The following A1CF variants were observed in gnomAD, a reference collection of about 807,000 sequenced individuals.
The protein encoded by A1CF is APOBEC1 complementation factor.
In A1CF, 48 loss-of-function variants were observed where a neutral mutation model predicts 68.9. The ratio of observed to expected loss-of-function variants is 0.70; its 90% confidence interval spans 0.55 to 0.89. The LOEUF is 0.89. A1CF is among the 40% of genes least tolerant of loss of function. The pLI is 0.00. For synonymous variants in A1CF, 272 were observed against 260.4 expected, an observed-to-expected ratio of 1.04 and a Z score of -0.43; for missense variants, 653 against 718.9, an observed-to-expected ratio of 0.91 and a Z score of 1.05.
At chr10:50,834,995 A>C (rs1038949024) in intron 6 of A1CF, among the ~76,000 whole-genome samples, 1 of 152,174 alleles carries the variant, frequency 6.6e-6, no homozygotes, top group Non-Finnish European at 1.5e-5. Flanking sequence ...CCCCATGAGG[A>C]GTCTTAGTGA....
In A1CF at chr10:50,841,845, GA is replaced by G; in HGVS notation, c.365+16del. The G allele has an allele frequency of 6.2e-7, 1 of 1,611,180 alleles. No homozygotes were observed. Among genetic ancestry groups the G allele is most frequent in the Non-Finnish European group, 8.5e-7 (1 of 1,179,108 alleles). On this transcript the variant is annotated intron_variant, in intron 5 of 12. Coordinates refer to ENST00000373997, the MANE Select transcript of A1CF (RefSeq NM_014576.4). ...CATTGTTTGTTTCACTTTTAATCTAGAAGAGGCGGAGCTTACCTAATTTCAT... is the reference window on the plus strand; with the variant it reads ...CATTGTTTGTTTCACTTTTAATCTAGAGAGGCGGAGCTTACCTAATTTCAT...
rs2132328352 is a variant in A1CF at position 50,813,935 on chromosome 10, A to G, written c.1245T>C (p.Tyr415=). ...TGAGCTCCATCCCAGGTAAAATGTCATAGAGTTTGTCTTCTCTTTTGTCTC... is the reference window on the plus strand; with the variant it reads ...TGAGCTCCATCCCAGGTAAAATGTCGTAGAGTTTGTCTTCTCTTTTGTCTC... ...VKGDKREDKL[Y]DILPGMELTP... The change falls in exon 10 of 13, where the codon TAT becomes TAC. Residue 415 remains tyrosine (Y), a synonymous_variant. Transcript: ENST00000373997. 1 of 1,613,912 alleles carries G rather than the reference A, an allele frequency of 6.2e-7. No individual in the cohort carries two copies. Among genetic ancestry groups the G allele is most frequent in the Non-Finnish European group, 8.5e-7 (1 of 1,179,874 alleles).
At chr10:50,845,998 C>G (rs1340553748) in intron 3 of A1CF, among the ~76,000 whole-genome samples, 4 of 151,454 alleles carry the variant, frequency 2.6e-5, no homozygotes, top group Non-Finnish European at 5.9e-5. Flanking sequence ...ATGTATCATG[C>G]CATTAAATAG....
chr10:50,865,426 G>T (rs1360099306), intron 1 of A1CF, among the ~76,000 whole-genome samples: 1 of 151,902 alleles, frequency 6.6e-6, no homozygotes, highest in African/African-American at 2.4e-5. Context: ...TACTTAAAAT[G>T]GTTTCTGGAA....
intron 3 of A1CF, among the ~76,000 whole-genome samples, chr10:50,855,617 C>T (rs1388212568): frequency 9.2e-5 from 14 of 152,026 alleles, no homozygotes; most frequent in Non-Finnish European, 4.4e-5. Flanking sequence ...TAGAAGCAGG[C>T]ATTATTGCAT....
At chr10:50,849,879 C>G (rs1299712364) in intron 3 of A1CF, among the ~76,000 whole-genome samples, 3 of 150,196 alleles carry the variant, frequency 2.0e-5, no homozygotes, top group Non-Finnish European at 3.0e-5. Flanking sequence ...CTGCAAGCTC[C>G]GCCTCCTGGC....
rs115842041 is a variant in A1CF at position 50,881,437 on chromosome 10, G to C, written c.-94+4144C>G. Among the ~76,000 whole-genome samples the C allele has an allele frequency of 8.4e-3, 1,285 of 152,218 alleles. 15 individuals are homozygous for C. The highest frequency in any genetic ancestry group is 0.029 in the African/African-American group (1,222 of 41,522). ...TTGTACAATTGGAATGGTGAATATT[G>C]ACACAGTTACCTTGAAGAAACTAGG... On this transcript the variant is annotated intron_variant, in intron 1 of 12. Transcript: ENST00000373997.
intron 1 of A1CF, among the ~76,000 whole-genome samples, chr10:50,874,042 T>C (rs1841394355): frequency 6.6e-6 from 1 of 152,186 alleles, no homozygotes; most frequent in African/African-American, 2.4e-5. Flanking sequence ...AATCAGGGCA[T>C]TAAAACATGC....
intron 1 of A1CF, among the ~76,000 whole-genome samples, chr10:50,877,864 T>A (rs1841585137): frequency 6.6e-6 from 1 of 152,246 alleles, no homozygotes; most frequent in South Asian, 2.1e-4. Flanking sequence ...GGCTCACGCC[T>A]GTAATCCCCC....
intron 3 of A1CF, among the ~76,000 whole-genome samples, chr10:50,851,818 C>T (rs969753148): frequency 6.6e-6 from 1 of 152,144 alleles, no homozygotes; most frequent in Non-Finnish European, 1.5e-5. Context: ...ATCTTGGTTC[C>T]CTGCTCAGCA....
intron 1 of A1CF, among the ~76,000 whole-genome samples, chr10:50,876,579 T>C (rs1002622638): frequency 1.3e-5 from 2 of 152,300 alleles, no homozygotes; most frequent in South Asian, 2.1e-4. Flanking sequence ...AGCAGGGACA[T>C]TGGCCTTTCC....
rs557448614 is a variant in A1CF at position 50,870,686 on chromosome 10, T to G, written c.-93-6606A>C. On this transcript the variant is annotated intron_variant, in intron 1 of 12. Coordinates refer to ENST00000373997, the MANE Select transcript of A1CF (RefSeq NM_014576.4). ...TCCAGATGGTTTTATTAGGCAAGTT[T>G]TATAAATCTCTTTAAAAGCAAATTA... Among the ~76,000 whole-genome samples, 4 of 151,970 alleles carry G rather than the reference T, an allele frequency of 2.6e-5. 1 individual carries two copies. In the South Asian group the frequency reaches 8.3e-4, roughly 31 times the overall value.
At chr10:50,814,958 A>G (rs1838296230) in intron 9 of A1CF, among the ~76,000 whole-genome samples, 2 of 152,206 alleles carry the variant, frequency 1.3e-5, no homozygotes, top group Admixed American at 6.5e-5. Flanking sequence ...TTTTGGGGCA[A>G]GTAATTATGA....
chr10:50,858,290 G>A (rs766886861), intron 3 of A1CF, among the ~76,000 whole-genome samples: 4 of 151,302 alleles, frequency 2.6e-5, no homozygotes, highest in Non-Finnish European at 5.9e-5. Flanking sequence ...AAAGTTATGA[G>A]ACTTTACCTG....
At chr10:50,835,554 T>C (rs1315038734) in intron 6 of A1CF, among the ~76,000 whole-genome samples, 2 of 152,164 alleles carry the variant, frequency 1.3e-5, no homozygotes, top group Non-Finnish European at 2.9e-5. Context: ...TATCCTGTGG[T>C]TGTAATAACT....
intron 6 of A1CF, among the ~76,000 whole-genome samples, chr10:50,834,422 T>C (rs1276990063): frequency 1.3e-5 from 2 of 152,122 alleles, no homozygotes; most frequent in South Asian, 2.1e-4. Flanking sequence ...TAGTAGAGGA[T>C]ATAGCATTAG....
chr10:50,859,951 T>TC lies in A1CF; in HGVS notation c.-12_-11insG, dbSNP rs1347437363. 1.1e-5 allele frequency: 18 copies of TC among 1,611,568 alleles called. No individual in the cohort carries two copies. The highest frequency in any genetic ancestry group is 1.5e-5 in the Non-Finnish European group (18 of 1,178,280). On this transcript the variant is annotated 5_prime_UTR_variant, in exon 3 of 13. It adds an upstream start codon to the 5' untranslated region. Transcript: ENST00000373997. ...GTGATTTGATTCCATTGAGAGTGAT[T>TC]ATCAGCAAAAAATCAGGTTAATTAG...
At position 50,828,338 on chromosome 10, in the gene A1CF, A is replaced by G; in HGVS notation, c.605-43T>C. 3 of 1,427,630 alleles carry G rather than the reference A, an allele frequency of 2.1e-6. No homozygotes were observed. The Admixed American group carries it at 6.4e-5, about 31-fold the overall frequency. The allele number at this position is 1,427,630 out of a possible 1,614,324, so 88.4% of individuals were successfully genotyped here. A position where few individuals can be genotyped will look rare whatever the true frequency, so the allele number is the denominator to read the frequency against. On this transcript the variant is annotated intron_variant, in intron 6 of 12. Coordinates refer to ENST00000373997, the MANE Select transcript of A1CF (RefSeq NM_014576.4). ...CATTATGATTAATTATGTAGGAATC[A>G]GGACAACATCATCTCAATTTATACC... is the stretch of plus-strand genomic sequence containing the variant.
intron 1 of A1CF, among the ~76,000 whole-genome samples, chr10:50,869,139 A>C (rs776159798): frequency 6.6e-6 from 1 of 152,178 alleles, no homozygotes; most frequent in Non-Finnish European, 1.5e-5. Flanking sequence ...AACTTAAAAA[A>C]AAAAGTTAAA....
Sources: allele counts gnomAD v4.1 joint callset (sites outside exome capture counted in the v4.1 genomes callset), GRCh38; gene constraint gnomAD v4.1.1; transcripts MANE v1.5; gene names NCBI Gene and HGNC (gene_info 2026-07-23, HGNC 2026-07-21).